CMSS1: variants seen among roughly 807,000 people sequenced by gnomAD.
CMSS1 encodes protein CMSS1.
Under a neutral mutation model 43.5 loss-of-function variants are expected in CMSS1, and 33 were observed. The ratio of observed to expected loss-of-function variants is 0.76; its 90% CI spans 0.57 to 1.01. The LOEUF is 1.01. Ranked by LOEUF, CMSS1 falls within the 50% of genes least tolerant of loss-of-function variation. CMSS1 has a pLI of 0.00. For missense variants in CMSS1, 313 were observed against 326.4 expected, an observed-to-expected ratio of 0.96 and a Z score of 0.32; for synonymous variants, 115 against 117.2, an observed-to-expected ratio of 0.98 and a Z score of 0.12.
chr3:99,818,138 C>G, intron 1 of CMSS1, 95 bp downstream of exon 1: 1 of 1,230,960 alleles, frequency 8.1e-7, no homozygotes, highest in South Asian at 1.3e-5. Context: ...GGTGTTTGCC[C>G]AGCAGGGGTG....
chr3:100,105,322 C>T (rs1437031842), intron 1 of CMSS1, among the ~76,000 whole-genome samples: 1 of 152,176 alleles, frequency 6.6e-6, no homozygotes, highest in Non-Finnish European at 1.5e-5. Context: ...TCAGGAAAGA[C>T]ATGAGCAATA....
intron 1 of CMSS1, among the ~76,000 whole-genome samples, chr3:100,083,609 A>G (rs1482520494): frequency 6.6e-6 from 1 of 152,226 alleles, no homozygotes; most frequent in African/African-American, 2.4e-5. Context: ...TGCTTAGTGC[A>G]TGCTTCTTTA....
At chr3:99,851,919 G>T (rs1408950232) in intron 1 of CMSS1, among the ~76,000 whole-genome samples, 1 of 152,194 alleles carries the variant, frequency 6.6e-6, no homozygotes, top group Non-Finnish European at 1.5e-5. Flanking sequence ...TAACATTTGA[G>T]AAGAGCATGC....
chr3:99,886,020 T>G (rs1002057192), intron 1 of CMSS1, among the ~76,000 whole-genome samples: 1 of 152,236 alleles, frequency 6.6e-6, no homozygotes, highest in African/African-American at 2.4e-5. Flanking sequence ...TTGTTCACTG[T>G]AAAGGAATTG....
chr3:99,848,946 A>G lies in CMSS1; in HGVS notation c.64+30903A>G, dbSNP rs781244378. The G allele has an allele frequency of 6.8e-6, 11 of 1,614,142 alleles. 1 individual carries two copies. Among genetic ancestry groups the G allele is most frequent in the South Asian group, 4.4e-5 (4 of 91,074 alleles). ...TTTCAAGAGTGGCTGTGTTTTGTAC[A>G]TGGTCTGGAGTAACCTTTATATGAA... is the stretch of plus-strand genomic sequence containing the variant. On this transcript the variant is annotated intron_variant, in intron 1 of 9. Coordinates refer to ENST00000421999, the MANE Select transcript of CMSS1 (RefSeq NM_032359.4).
At chr3:99,942,602 C>T (rs565404960) in intron 1 of CMSS1, among the ~76,000 whole-genome samples, 144 of 152,278 alleles carry the variant, frequency 9.5e-4, no homozygotes, top group African/African-American at 3.3e-3. Flanking sequence ...GAGACCGAGG[C>T]GGGCGGATCA....
chr3:100,178,593 C>CT lies in CMSS1; in HGVS notation c.*207dup. On this transcript the variant is annotated 3_prime_UTR_variant, in exon 10 of 10. Coordinates refer to ENST00000421999, the MANE Select transcript of CMSS1 (RefSeq NM_032359.4). ...CTCTTATATAATAAAGTATCACCGG[C>CT]TTGTGTATGATCCTTGTTGAGCGGA... The CT allele has an allele frequency of 2.1e-6, 1 of 485,306 alleles. No homozygotes were observed. The highest frequency in any genetic ancestry group is 3.7e-6 in the Non-Finnish European group (1 of 270,934). The allele number at this position is 485,306 out of a possible 1,614,324, so 30.1% of individuals were successfully genotyped here. A position where few individuals can be genotyped will look rare whatever the true frequency, so the allele number is the denominator to read the frequency against.
intron 1 of CMSS1, among the ~76,000 whole-genome samples, chr3:100,124,689 T>C (rs1458486041): frequency 6.6e-6 from 1 of 152,010 alleles, no homozygotes; most frequent in Non-Finnish European, 1.5e-5. Flanking sequence ...CATCCCCAAA[T>C]GGCAAAAGGC....
intron 1 of CMSS1, among the ~76,000 whole-genome samples, chr3:100,013,214 G>GTGTTGTTGTTGTTGTTGTTGTTGTTGT (rs35047568): frequency 6.9e-6 from 1 of 145,414 alleles, no homozygotes; most frequent in African/African-American, 2.6e-5. Context: ...GGCCAGTGAG[G>GTGTTGTTGTTGTTGTTGTTGTTGTTGT]TGTTGTTGTT....
chr3:99,849,144 C>T (rs1466744016), intron 1 of CMSS1: 1 of 1,614,006 alleles, frequency 6.2e-7, no homozygotes, highest in African/African-American at 1.3e-5. Context: ...TGAAGGACAG[C>T]ACAGATCCCT....
rs187628307 is a variant in CMSS1, at chr3:99,844,267, T to G, written c.64+26224T>G. On this transcript the variant is annotated intron_variant, in intron 1 of 9. Coordinates refer to ENST00000421999, the MANE Select transcript of CMSS1 (RefSeq NM_032359.4). ...TTTCTGGGCCCTACGCCCCCAGAGG[T>G]TCTCATTGGATAGCTCTGAGTGGAA... 1.6e-4 allele frequency among the ~76,000 whole-genome samples: 25 copies of G among 152,240 alleles called. No individual in the cohort carries two copies. In the East Asian group the frequency reaches 4.6e-3, roughly 28 times the overall value.
rs1209391083 is a variant in CMSS1, at chr3:100,006,653, T to C, written c.65-140320T>C. ...GCTCATTTATCTTACATCTTTTCTT[T>C]CCAAAAAAAAAAAAAAATTCCAGCT... On this transcript the variant is annotated intron_variant, in intron 1 of 9. Coordinates refer to ENST00000421999, the MANE Select transcript of CMSS1 (RefSeq NM_032359.4). Among the ~76,000 whole-genome samples the C allele has an allele frequency of 6.2e-5, 9 of 145,798 alleles. No homozygotes were observed. The East Asian group carries it at 1.7e-3, about 27-fold the overall frequency.
chr3:100,103,066 C>T lies in CMSS1; in HGVS notation c.65-43907C>T, dbSNP rs368848444. Among the ~76,000 whole-genome samples, 4 of 152,262 alleles carry T rather than the reference C, an allele frequency of 2.6e-5. No individual in the cohort carries two copies. The East Asian group carries it at 7.7e-4, about 29-fold the overall frequency. Reference sequence around the variant, plus strand: ...TAAGTGCTGTAAAAATGAAGCAGACCGACTGTGGGTACACAGATCTAGTCT... The same window carrying T: ...TAAGTGCTGTAAAAATGAAGCAGACTGACTGTGGGTACACAGATCTAGTCT... On this transcript the variant is annotated intron_variant, in intron 1 of 9. Coordinates refer to ENST00000421999, the MANE Select transcript of CMSS1 (RefSeq NM_032359.4).
intron 1 of CMSS1, among the ~76,000 whole-genome samples, chr3:100,144,560 G>A (rs1323430814): frequency 6.6e-6 from 1 of 152,156 alleles, no homozygotes; most frequent in Non-Finnish European, 1.5e-5. Flanking sequence ...AGCCTTCAGG[G>A]GTCCATCATG....
intron 8 of CMSS1, 24 bp from the exon 9 acceptor site, chr3:100,176,303 C>G (rs1437278271): frequency 1.3e-6 from 2 of 1,497,772 alleles, no homozygotes; most frequent in Non-Finnish European, 9.3e-7. Context: ...TTTACTACAG[C>G]AACTCTCTTC....
chr3:100,121,293 C>T (rs1041065149), intron 1 of CMSS1, among the ~76,000 whole-genome samples: 2 of 148,898 alleles, frequency 1.3e-5, no homozygotes, highest in Admixed American at 6.7e-5. Context: ...TCCCTGTGTC[C>T]GTGTGTTTTC....
At chr3:100,101,662 C>T (rs574401658) in intron 1 of CMSS1, among the ~76,000 whole-genome samples, 2 of 152,128 alleles carry the variant, frequency 1.3e-5, no homozygotes, top group East Asian at 1.9e-4. Flanking sequence ...GGTACATGTG[C>T]ACAATGTGCA....
intron 1 of CMSS1, among the ~76,000 whole-genome samples, chr3:99,966,408 TC>T (rs1576606652): frequency 6.6e-6 from 1 of 152,160 alleles, no homozygotes; most frequent in African/African-American, 2.4e-5. Flanking sequence ...ATTTTTTTTT[TC>T]GGCTATATAT....
chr3:100,040,282 C>G (rs760507604), intron 1 of CMSS1: 4 of 152,090 alleles, frequency 2.6e-5, no homozygotes, highest in Non-Finnish European at 4.4e-5. Context: ...TTGCATAATT[C>G]TCATCTAACT....
Sources: allele counts gnomAD v4.1 joint callset (sites outside exome capture counted in the v4.1 genomes callset), GRCh38; gene constraint gnomAD v4.1.1; transcripts MANE v1.5; gene names NCBI Gene and HGNC (gene_info 2026-07-23, HGNC 2026-07-21).